Variants in GLRB observed in about 807,000 individuals in gnomAD.
GLRB encodes the protein glycine receptor beta.
GLRB carries 33 observed loss-of-function variants against 54.2 expected under a neutral mutation model. That is an observed-to-expected ratio of 0.61 (90% confidence interval 0.46 to 0.81). The LOEUF (loss-of-function observed/expected upper bound fraction) is 0.81. Among genes scored for constraint, GLRB ranks in the 40% least tolerant of loss-of-function variants. The probability of loss-of-function intolerance (pLI) is 0.00; values close to 1 mark genes in which losing one functional copy is unlikely to be tolerated. For synonymous variants in GLRB, 209 were observed against 208.2 expected (o/e 1.00, Z -0.03); for missense variants, 572 against 584.6 (o/e 0.98, Z 0.22).
intron 2 of GLRB, among the ~76,000 whole-genome samples, chr4:157,085,152 G>A (rs1734361958): frequency 6.6e-6 from 1 of 152,172 alleles, no homozygotes; most frequent in South Asian, 2.1e-4. Context: ...ACCTAGGCAT[G>A]AGCTTAAATG....
At chr4:157,085,772 C>T (rs1022346412) in intron 2 of GLRB, among the ~76,000 whole-genome samples, 6 of 151,840 alleles carry the variant, frequency 4.0e-5, no homozygotes, top group African/African-American at 1.4e-4. Flanking sequence ...GTTGGAATTA[C>T]AGGCGTGAGC....
At position 157,099,357 on chromosome 4, in the gene GLRB, G is replaced by A. The variant is rs117278149; in HGVS notation, c.123-21199G>A. Among the ~76,000 whole-genome samples, 1,209 of 141,498 alleles carry A rather than the reference G, an allele frequency of 8.5e-3. 21 individuals are homozygous for A. In the East Asian group the frequency reaches 0.1, roughly 12 times the overall value. The allele number at this position is 141,498 out of a possible 152,430, so 92.8% of individuals were successfully genotyped here. A position where few individuals can be genotyped will look rare whatever the true frequency, so the allele number is the denominator to read the frequency against. On this transcript the variant is annotated intron_variant, in intron 2 of 9. Transcript: ENST00000264428. ...GTTATTAACTTTTTTTTTTTTTTTC[G>A]AGACAAAGTCTCACTGTCACCCAGG...
chr4:157,159,005 G>A (rs1267026275), intron 9 of GLRB, among the ~76,000 whole-genome samples: 5 of 151,914 alleles, frequency 3.3e-5, no homozygotes, highest in African/African-American at 7.3e-5. Context: ...CTTTTATTTC[G>A]TTGAGCAGTA....
At chr4:157,137,535 CTTATAATA>C (rs1380044117) in intron 6 of GLRB, among the ~76,000 whole-genome samples, 3 of 150,802 alleles carry the variant, frequency 2.0e-5, no homozygotes, top group Admixed American at 2.0e-4. Flanking sequence ...CATGGATCAT[CTTATAATA>C]AGGTCGTCTA....
At chr4:157,115,007 G>C (rs1301909454) in intron 2 of GLRB, among the ~76,000 whole-genome samples, 1 of 150,406 alleles carries the variant, frequency 6.6e-6, no homozygotes, top group African/African-American at 2.4e-5. Flanking sequence ...GGAGTGGGGA[G>C]TTATTTTCCA....
rs1238385847 is a variant in GLRB at position 157,138,848 on chromosome 4, C to G, written c.650C>G (p.Ser217Ter). Residue 217 changes from serine (S) to a stop codon, truncating the protein, a stop_gained, in exon 7 of 10, where the codon TCA becomes TGA. Transcript: ENST00000264428. LOFTEE classifies it high-confidence loss of function. ...GATGATTTACGATTTATCTGGCAGT[C>G]AGGAGATCCTGTGCAATTAGAAAAA... ...TTDDLRFIWQSGDPVQLEKIA... is the reference protein window; with the variant it reads ...TTDDLRFIWQ 2 of 1,564,440 alleles carry G rather than the reference C, an allele frequency of 1.3e-6. No homozygotes were observed. Among genetic ancestry groups the G allele is most frequent in the Non-Finnish European group, 1.8e-6 (2 of 1,135,906 alleles).
intron 2 of GLRB, among the ~76,000 whole-genome samples, chr4:157,079,870 A>G (rs917419906): frequency 1.3e-5 from 2 of 152,128 alleles, no homozygotes; most frequent in African/African-American, 2.4e-5. Flanking sequence ...CATTAACACA[A>G]ACTGTTGTCT....
intron 2 of GLRB, among the ~76,000 whole-genome samples, chr4:157,103,160 A>C (rs557851414): frequency 8.6e-5 from 13 of 151,306 alleles, no homozygotes; most frequent in Admixed American, 2.6e-4. Flanking sequence ...AAAAAAACAA[A>C]AAAAAAAAAA....
intron 2 of GLRB, among the ~76,000 whole-genome samples, chr4:157,110,714 T>C (rs891492458): frequency 6.6e-6 from 1 of 152,046 alleles, no homozygotes; most frequent in Non-Finnish European, 1.5e-5. Flanking sequence ...TTGTTATCTA[T>C]GCAGCAGAAA....
chr4:157,101,550 T>A (rs1042391362), intron 2 of GLRB, among the ~76,000 whole-genome samples: 2 of 152,108 alleles, frequency 1.3e-5, no homozygotes, highest in African/African-American at 4.8e-5. Context: ...AAAGTTCTCC[T>A]TTGTTTCATC....
intron 7 of GLRB, among the ~76,000 whole-genome samples, chr4:157,140,202 G>A (rs749399329): frequency 2.0e-5 from 3 of 151,814 alleles, no homozygotes; most frequent in Non-Finnish European, 4.4e-5. Flanking sequence ...AAAATGGAGA[G>A]CTATTAAAAA....
intron 4 of GLRB, among the ~76,000 whole-genome samples, chr4:157,127,571 T>C (rs901132197): frequency 2.0e-5 from 3 of 151,896 alleles, no homozygotes; most frequent in Non-Finnish European, 4.4e-5. Flanking sequence ...TCAGATGTGA[T>C]TAAATTAAAT....
intron 2 of GLRB, among the ~76,000 whole-genome samples, chr4:157,104,098 A>C (rs1030816643): frequency 2.0e-5 from 3 of 152,046 alleles, no homozygotes; most frequent in African/African-American, 7.2e-5. Flanking sequence ...TGTTGAACAG[A>C]AGTGGCAAGA....
intron 2 of GLRB, among the ~76,000 whole-genome samples, chr4:157,096,732 T>C (rs1056701838): frequency 3.9e-5 from 6 of 152,190 alleles, no homozygotes; most frequent in African/African-American, 1.4e-4. Context: ...ATAGTCTTCT[T>C]GTCTCTGTAT....
chr4:157,121,414 G>A (rs1735813241), intron 3 of GLRB, among the ~76,000 whole-genome samples: 1 of 150,294 alleles, frequency 6.7e-6, no homozygotes, highest in African/African-American at 2.4e-5. Flanking sequence ...TGCTGGTTAA[G>A]GACAGGTATT....
intron 2 of GLRB, among the ~76,000 whole-genome samples, chr4:157,116,593 G>A (rs1735616474): frequency 6.6e-6 from 1 of 151,500 alleles, no homozygotes; most frequent in African/African-American, 2.4e-5. Context: ...ATACAGACAA[G>A]GGAAAATATG....
At chr4:157,133,837 T>G (rs1437365268) in intron 4 of GLRB, among the ~76,000 whole-genome samples, 1 of 151,922 alleles carries the variant, frequency 6.6e-6, no homozygotes, top group African/African-American at 2.4e-5. Context: ...TGTAGAAACA[T>G]TCATAAGATT....
chr4:157,140,959 C>G (rs774966426), intron 7 of GLRB, among the ~76,000 whole-genome samples: 1 of 151,504 alleles, frequency 6.6e-6, no homozygotes, highest in South Asian at 2.1e-4. Flanking sequence ...CTTTTAAGCT[C>G]TACATTAAAA....
intron 2 of GLRB, among the ~76,000 whole-genome samples, chr4:157,091,060 A>G (rs1734591194): frequency 6.6e-6 from 1 of 152,128 alleles, no homozygotes; most frequent in African/African-American, 2.4e-5. Context: ...TCATGGAACT[A>G]TTAATAGATA....
Sources: allele counts gnomAD v4.1 joint callset (sites outside exome capture counted in the v4.1 genomes callset), GRCh38; gene constraint gnomAD v4.1.1; transcripts MANE v1.5; gene names NCBI Gene and HGNC (gene_info 2026-07-23, HGNC 2026-07-21).